The following PATL2 variants were observed in gnomAD, a reference collection of about 807,000 sequenced individuals.
PATL2 encodes the protein PAT1 homolog 2.
Under a neutral mutation model 77.0 loss-of-function variants are expected in PATL2, and 73 were observed. That is an observed-to-expected ratio of 0.95 (90% confidence interval 0.78 to 1.15). The LOEUF (loss-of-function observed/expected upper bound fraction) is 1.15, where lower values mean the gene tolerates loss of function less well. PATL2 is among the 50% of genes most tolerant of loss of function. The pLI is 0.00. For synonymous variants in PATL2, 265 were observed against 257.1 expected, an observed-to-expected ratio of 1.03 and a Z score of -0.29; for missense variants, 618 against 655.4, an observed-to-expected ratio of 0.94 and a Z score of 0.62.
At chr15:44,688,281 T>C (rs2086308690) in intron 3 of PATL2, among the ~76,000 whole-genome samples, 1 of 148,466 alleles carries the variant, frequency 6.7e-6, no homozygotes, top group Non-Finnish European at 1.5e-5. Flanking sequence ...ATAATAATAA[T>C]AATAAAAAAA....
chr15:44,705,206 A>C (rs1392313632), intron 3 of PATL2, among the ~76,000 whole-genome samples: 1 of 151,680 alleles, frequency 6.6e-6, no homozygotes, highest in Non-Finnish European at 1.5e-5. Flanking sequence ...TTTTTGAGAC[A>C]GAGTCTCACT....
intron 3 of PATL2, among the ~76,000 whole-genome samples, chr15:44,686,099 A>G (rs912357070): frequency 6.6e-6 from 1 of 152,214 alleles, no homozygotes; most frequent in African/African-American, 2.4e-5. Flanking sequence ...AATCAACAGC[A>G]TATACATTCT....
chr15:44,683,917 C>T (rs191879523), intron 3 of PATL2, among the ~76,000 whole-genome samples: 19 of 152,208 alleles, frequency 1.2e-4, no homozygotes, highest in Admixed American at 8.5e-4. Context: ...CAATCTTTGC[C>T]GTTCTGCAGT....
intron 5 of PATL2, 159 bp downstream of exon 5, chr15:44,675,327 G>A: frequency 1.3e-6 from 1 of 776,326 alleles, no homozygotes; most frequent in Admixed American, 3.1e-5. Context: ...AAAGAGGGAA[G>A]GAGAGAGTCC....
chr15:44,704,619 A>G (rs950294097), intron 3 of PATL2, among the ~76,000 whole-genome samples: 1 of 152,290 alleles, frequency 6.6e-6, no homozygotes, highest in African/African-American at 2.4e-5. Context: ...TGGTCTTTCC[A>G]CTCAAGATAT....
intron 3 of PATL2, among the ~76,000 whole-genome samples, chr15:44,679,524 G>A (rs1194119482): frequency 6.7e-6 from 1 of 150,068 alleles, no homozygotes; most frequent in Non-Finnish European, 1.5e-5. Context: ...CACCGTGCCT[G>A]GCCAATTTTT....
At chr15:44,701,640 G>C (rs1482264332) in intron 3 of PATL2, among the ~76,000 whole-genome samples, 1 of 146,878 alleles carries the variant, frequency 6.8e-6, no homozygotes, top group South Asian at 2.1e-4. Flanking sequence ...AGGTTGCAGT[G>C]AGCTGAGATT....
intron 15 of PATL2, among the ~76,000 whole-genome samples, chr15:44,667,946 TAAAAA>T (rs1209685970): frequency 6.6e-6 from 1 of 152,014 alleles, no homozygotes; most frequent in Non-Finnish European, 1.5e-5. Context: ...ATCTAAAAAA[TAAAAA>T]AAGAAAATAT....
At chr15:44,679,559 T>A (rs574108068) in intron 3 of PATL2, among the ~76,000 whole-genome samples, 30 of 147,748 alleles carry the variant, frequency 2.0e-4, no homozygotes, top group African/African-American at 7.4e-4. Flanking sequence ...TTTCTTTTTT[T>A]TTTTTTTTTT....
chr15:44,694,104 A>C (rs1595984328), intron 3 of PATL2, among the ~76,000 whole-genome samples: 1 of 152,204 alleles, frequency 6.6e-6, no homozygotes, highest in Non-Finnish European at 1.5e-5. Context: ...TATACATATA[A>C]AATAATCCCA....
intron 11 of PATL2, 35 bp downstream of exon 11, chr15:44,669,742 G>GGA: frequency 4.5e-6 from 7 of 1,547,054 alleles, no homozygotes; most frequent in Non-Finnish European, 6.1e-6. Context: ...CTTCCAAAGG[G>GGA]GAGAGAAAAA....
chr15:44,675,336 C>T (rs1332607358), intron 5 of PATL2, 150 bp downstream of exon 5: 4 of 842,962 alleles, frequency 4.7e-6, no homozygotes, highest in East Asian at 2.7e-5. Flanking sequence ...AGGAGAGAGT[C>T]CCTAACTCAA....
At chr15:44,710,013 T>G (rs1021134635) in intron 3 of PATL2, among the ~76,000 whole-genome samples, 83 bp downstream of exon 3, 19 of 152,210 alleles carry the variant, frequency 1.2e-4, no homozygotes, top group African/African-American at 4.6e-4. Flanking sequence ...TTCTCATATT[T>G]TAGTTATTGA....
At chr15:44,702,175 G>A in intron 3 of PATL2, among the ~76,000 whole-genome samples, 1 of 152,042 alleles carries the variant, frequency 6.6e-6, no homozygotes, top group South Asian at 2.1e-4. Context: ...ACTTGTTATT[G>A]GTCTGTTCTG....
At chr15:44,669,440 G>A in intron 12 of PATL2, 27 bp from the exon 13 acceptor site, 1 of 1,548,340 alleles carries the variant, frequency 6.5e-7, no homozygotes, top group South Asian at 1.2e-5. Flanking sequence ...GGAAAAAAGA[G>A]GTAAATTTGG....
At chr15:44,680,489 C>A (rs1009159235) in intron 3 of PATL2, among the ~76,000 whole-genome samples, 7 of 152,160 alleles carry the variant, frequency 4.6e-5, no homozygotes, top group Non-Finnish European at 7.4e-5. Context: ...ACAGGCCCCC[C>A]ACCTTGCACT....
intron 3 of PATL2, among the ~76,000 whole-genome samples, chr15:44,701,217 T>G (rs1187244344): frequency 6.6e-6 from 1 of 152,054 alleles, no homozygotes; most frequent in Non-Finnish European, 1.5e-5. Context: ...TGTGCTAGTA[T>G]GTTGCTGAGG....
intron 3 of PATL2, among the ~76,000 whole-genome samples, chr15:44,693,250 T>C (rs1245059396): frequency 6.6e-6 from 1 of 152,246 alleles, no homozygotes; most frequent in Non-Finnish European, 1.5e-5. Flanking sequence ...TTTATCATCT[T>C]GTATTTCTGT....
At chr15:44,689,307 T>C (rs550860816) in intron 3 of PATL2, among the ~76,000 whole-genome samples, 3 of 152,200 alleles carry the variant, frequency 2.0e-5, no homozygotes, top group Non-Finnish European at 4.4e-5. Flanking sequence ...GTGTGGTGAT[T>C]CCTTAAGGAT....
Sources: allele counts gnomAD v4.1 joint callset (sites outside exome capture counted in the v4.1 genomes callset), GRCh38; gene constraint gnomAD v4.1.1; transcripts MANE v1.5; gene names NCBI Gene and HGNC (gene_info 2026-07-23, HGNC 2026-07-21).